Variants in KIF15 observed in about 807,000 individuals in gnomAD.
KIF15 encodes kinesin-like protein KIF15.
In KIF15, 140 loss-of-function variants were observed where a neutral mutation model predicts 190.6. The observed-to-expected ratio is 0.73, with a 90% CI of 0.64 to 0.84. The LOEUF is 0.84. KIF15 is among the 40% of genes least tolerant of loss of function. The probability of loss-of-function intolerance (pLI) is 0.00; values close to 1 mark genes in which losing one functional copy is unlikely to be tolerated. For synonymous variants in KIF15, 528 were observed against 551.3 expected (o/e 0.96, Z 0.59); for missense variants, 1,372 against 1,584.4 (o/e 0.87, Z 2.28).
chr3:44,768,543 A>T (rs1363770502), intron 1 of KIF15, among the ~76,000 whole-genome samples: 1 of 116,748 alleles, frequency 8.6e-6, no homozygotes, highest in East Asian at 6.4e-4. Flanking sequence ...GTGGGCCTTT[A>T]GTCTGAGCCA....
rs543810530 is a variant in KIF15, at chr3:44,810,418, A to G, written c.1972-428A>G. On this transcript the variant is annotated intron_variant, in intron 16 of 34. Transcript: ENST00000326047. The stretch of plus-strand genomic sequence containing the variant: ...AGGCCTGGGACACCATGCCCAGCTA[A>G]TTAAAATGATTTTTTTTTTTGGTAG... 2.6e-4 allele frequency among the ~76,000 whole-genome samples: 40 copies of G among 151,920 alleles called. No individual in the cohort carries two copies. In the South Asian group the frequency reaches 3.1e-3, roughly 12 times the overall value.
At chr3:44,843,010 A>G in intron 29 of KIF15, 115 bp from the exon 30 acceptor site, 1 of 677,592 alleles carries the variant, frequency 1.5e-6, no homozygotes, top group Non-Finnish European at 2.5e-6. Flanking sequence ...TACCCAGTGC[A>G]GTGTCTCTGC....
rs116495513 is a variant in KIF15 at position 44,768,690 on chromosome 3, A to G, written c.20-5705A>G. ...GTACATCTAACTGCCCTTAGAATAA[A>G]GATAAGGACAAAGACCAATCTTAAC... On this transcript the variant is annotated intron_variant, in intron 1 of 34. Transcript: ENST00000326047. Among the ~76,000 whole-genome samples, 976 of 152,282 alleles carry G rather than the reference A, an allele frequency of 6.4e-3. 5 individuals are homozygous for G. The highest frequency in any genetic ancestry group is 0.011 in the Non-Finnish European group (715 of 68,020).
At position 44,827,329 on chromosome 3, in the gene KIF15, G is replaced by A. The variant is rs187030785; in HGVS notation, c.2787-130G>A. ...TGGGTTCAAATTTCTGATCCCCCCG[G>A]AAGGTAATGCCTGACACCAAGGGTG... On this transcript the variant is annotated intron_variant, in intron 22 of 34. Transcript: ENST00000326047. 4 of 638,728 alleles carry A rather than the reference G, an allele frequency of 6.3e-6. No homozygotes were observed. In the East Asian group the frequency reaches 1.1e-4, roughly 17 times the overall value. 39.6% of individuals were successfully genotyped at this position (638,728 alleles called of 1,614,324 possible).
chr3:44,799,107 G>C (rs1291806385), intron 10 of KIF15: 2 of 315,798 alleles, frequency 6.3e-6, no homozygotes, highest in Non-Finnish European at 1.2e-5. Flanking sequence ...AGATTTACTA[G>C]AAGTCTTTGG....
chr3:44,817,685 A>G (rs1183126820), intron 20 of KIF15, among the ~76,000 whole-genome samples: 4 of 152,030 alleles, frequency 2.6e-5, no homozygotes, highest in African/African-American at 9.7e-5. Flanking sequence ...GATGCCTCCA[A>G]CTTTGTTCTT....
At chr3:44,852,062 A>G in intron 33 of KIF15, 110 bp downstream of exon 33, 3 of 1,440,766 alleles carry the variant, frequency 2.1e-6, no homozygotes, top group South Asian at 2.7e-5. Flanking sequence ...GAGTTGCTTT[A>G]TTGTATGAAG....
chr3:44,803,292 A>G (rs961032948), intron 14 of KIF15, among the ~76,000 whole-genome samples: 2 of 152,208 alleles, frequency 1.3e-5, no homozygotes, highest in African/African-American at 4.8e-5. Context: ...TTCCTGTTTA[A>G]AGTATTTGAA....
chr3:44,827,656 G>T (rs936716061), intron 23 of KIF15, 128 bp downstream of exon 23: 3 of 539,114 alleles, frequency 5.6e-6, no homozygotes, highest in African/African-American at 4.0e-5. Context: ...ATGGAATTTG[G>T]GGCTGGTTCT....
intron 17 of KIF15, among the ~76,000 whole-genome samples, chr3:44,811,722 A>G (rs983649267): frequency 6.6e-6 from 1 of 152,226 alleles, no homozygotes; most frequent in Non-Finnish European, 1.5e-5. Context: ...AATAATGTGA[A>G]ATTTGATTAT....
At chr3:44,852,543 A>C (rs1352932346) in intron 34 of KIF15, 130 bp from the exon 35 acceptor site, 1 of 836,940 alleles carries the variant, frequency 1.2e-6, no homozygotes, top group Non-Finnish European at 1.8e-6. Context: ...TTCTTGTTTA[A>C]CGTTTAGTTT....
At chr3:44,792,664 A>C (rs1370751630) in intron 7 of KIF15, among the ~76,000 whole-genome samples, 1 of 150,974 alleles carries the variant, frequency 6.6e-6, no homozygotes, top group Admixed American at 6.6e-5. Flanking sequence ...CTCCTGCCTC[A>C]GCCTCCCGAG....
chr3:44,845,035 G>A (rs1698780340), intron 30 of KIF15, among the ~76,000 whole-genome samples: 1 of 152,242 alleles, frequency 6.6e-6, no homozygotes, highest in African/African-American at 2.4e-5. Flanking sequence ...TGAGAAAATA[G>A]GAGTGGTTGA....
intron 27 of KIF15, 94 bp downstream of exon 27, chr3:44,838,515 G>A: frequency 7.9e-7 from 1 of 1,269,354 alleles, no homozygotes; most frequent in African/African-American, 1.5e-5. Flanking sequence ...AGGCCAAGGG[G>A]GTGGACCACT....
chr3:44,822,198 T>C (rs1218582301), intron 20 of KIF15, among the ~76,000 whole-genome samples: 1 of 152,248 alleles, frequency 6.6e-6, no homozygotes, highest in Non-Finnish European at 1.5e-5. Flanking sequence ...AAGTCAGGCC[T>C]GATGGTGACA....
At chr3:44,772,643 A>T (rs1021042391) in intron 1 of KIF15, among the ~76,000 whole-genome samples, 2 of 152,252 alleles carry the variant, frequency 1.3e-5, no homozygotes, top group African/African-American at 4.8e-5. Context: ...CAAAGTGGCC[A>T]GTATTTCTGA....
chr3:44,813,138 G>C lies in KIF15; in HGVS notation c.2341G>C (p.Val781Leu). The change falls in exon 19 of 35, where the codon GTC (valine) becomes CTC (leucine). Residue 781 changes from valine (V) to leucine (L), a missense_variant. Coordinates refer to ENST00000326047, the MANE Select transcript of KIF15 (RefSeq NM_020242.3). ...GGAAGAGCTTCTCTCACAGTTGAATGTCCTTGAAAAGCAGCTTCAAGAGAC... is the reference window on the plus strand; with the variant it reads ...GGAAGAGCTTCTCTCACAGTTGAATCTCCTTGAAAAGCAGCTTCAAGAGAC... The part of the protein sequence containing the change: ...QQEELLSQLN[V>L]LEKQLQETQT... 6.2e-7 allele frequency: 1 copy of C among 1,602,806 alleles called. No individual in the cohort carries two copies.
intron 23 of KIF15, 52 bp downstream of exon 23, chr3:44,827,580 C>A (rs1318691871): frequency 1.8e-6 from 2 of 1,125,098 alleles, no homozygotes; most frequent in Admixed American, 1.9e-5. Flanking sequence ...AACTTTTATT[C>A]CTGATACCTA....
intron 29 of KIF15, 104 bp from the exon 30 acceptor site, chr3:44,843,021 A>C: frequency 1.3e-6 from 1 of 755,568 alleles, no homozygotes; most frequent in Non-Finnish European, 2.2e-6. Flanking sequence ...GTGTCTCTGC[A>C]TAGGAACTTA....
Sources: allele counts gnomAD v4.1 joint callset (sites outside exome capture counted in the v4.1 genomes callset), GRCh38; gene constraint gnomAD v4.1.1; transcripts MANE v1.5; gene names NCBI Gene and HGNC (gene_info 2026-07-23, HGNC 2026-07-21).